Variants in ZFAT observed in about 807,000 individuals in gnomAD.
ZFAT encodes zinc finger and AT-hook domain containing.
In ZFAT, 64 loss-of-function variants were observed where a neutral mutation model predicts 117.7. The ratio of observed to expected loss-of-function variants is 0.54; its 90% CI spans 0.44 to 0.67. The LOEUF (loss-of-function observed/expected upper bound fraction) is 0.67, where lower values mean the gene tolerates loss of function less well. Ranked by LOEUF, ZFAT falls within the 30% of genes least tolerant of loss-of-function variation. The pLI, the probability that ZFAT is intolerant of heterozygous loss-of-function variation, is 0.00. For synonymous variants in ZFAT, 679 were observed against 615.0 expected (o/e 1.10, Z -1.54); for missense variants, 1,433 against 1,584.5 (o/e 0.90, Z 1.62).
intron 11 of ZFAT, among the ~76,000 whole-genome samples, chr8:134,564,488 C>A (rs1225673459): frequency 6.6e-6 from 1 of 152,218 alleles, no homozygotes; most frequent in African/African-American, 2.4e-5. Flanking sequence ...GGTAGGAACT[C>A]CACTGCCACC....
At chr8:134,702,454 T>C (rs1834036353) in intron 1 of ZFAT, among the ~76,000 whole-genome samples, 1 of 152,182 alleles carries the variant, frequency 6.6e-6, no homozygotes, top group Admixed American at 6.5e-5. Flanking sequence ...CAATGGGAGA[T>C]AAATTGAATC....
At chr8:134,732,498 T>C in the ZFAT span, among the ~76,000 whole-genome samples, 1 of 152,190 alleles carries the variant, frequency 6.6e-6, no homozygotes, top group Non-Finnish European at 1.5e-5. Context: ...CCGACTCTAC[T>C]TCTGAGATTC....
At chr8:134,529,832 T>A (rs1214409772) in intron 12 of ZFAT, among the ~76,000 whole-genome samples, 2 of 152,232 alleles carry the variant, frequency 1.3e-5, no homozygotes, top group Non-Finnish European at 2.9e-5. Flanking sequence ...TCCCTCCTAC[T>A]TGGGAAGAGC....
intron 11 of ZFAT, among the ~76,000 whole-genome samples, chr8:134,560,812 T>C (rs1328673386): frequency 6.6e-6 from 1 of 152,066 alleles, no homozygotes; most frequent in Non-Finnish European, 1.5e-5. Flanking sequence ...AGCAAAGAGT[T>C]GAATAGCTAG....
intron 11 of ZFAT, among the ~76,000 whole-genome samples, chr8:134,557,708 T>C (rs558048482): frequency 1.8e-4 from 27 of 152,292 alleles, no homozygotes; most frequent in Non-Finnish European, 2.9e-4. Context: ...AAATAACTTA[T>C]ACAACACATA....
chr8:134,831,786 C>T, the ZFAT span, among the ~76,000 whole-genome samples: 284 of 152,124 alleles, frequency 1.9e-3, 1 homozygote, highest in African/African-American at 6.5e-3. Context: ...CGGCCCCGAG[C>T]CCCCCACGAC....
At chr8:134,715,560 A>C (rs926658363), upstream of ZFAT, among the ~76,000 whole-genome samples, 2 of 152,226 alleles carry the variant, frequency 1.3e-5, no homozygotes, top group South Asian at 4.1e-4. Flanking sequence ...AAACATCTCT[A>C]TTCTTTCTAT....
chr8:134,541,749 T>C (rs578154878), intron 11 of ZFAT, among the ~76,000 whole-genome samples: 1 of 152,196 alleles, frequency 6.6e-6, no homozygotes, highest in South Asian at 2.1e-4. Flanking sequence ...ATAAGAAAAA[T>C]AGGCAAAATA....
At chr8:134,699,259 T>C (rs762782750) in intron 1 of ZFAT, among the ~76,000 whole-genome samples, 5 of 152,188 alleles carry the variant, frequency 3.3e-5, no homozygotes, top group Non-Finnish European at 7.3e-5. Context: ...TATGAAATGC[T>C]TCTATCAATC....
chr8:134,812,770 C>A, the ZFAT span, among the ~76,000 whole-genome samples: 1 of 152,164 alleles, frequency 6.6e-6, no homozygotes, highest in Non-Finnish European at 1.5e-5. Context: ...TATAGATATG[C>A]AGCAACAAAC....
At chr8:134,507,972 T>C (rs1404816771) in intron 15 of ZFAT, among the ~76,000 whole-genome samples, 11 of 152,150 alleles carry the variant, frequency 7.2e-5, no homozygotes, top group Admixed American at 7.2e-4. Flanking sequence ...TGCAATCTAG[T>C]AAACACCAAG....
At chr8:134,704,093 C>G (rs762137676) in intron 1 of ZFAT, among the ~76,000 whole-genome samples, 18 of 152,206 alleles carry the variant, frequency 1.2e-4, no homozygotes, top group Non-Finnish European at 2.1e-4. Context: ...TGTTAGACAG[C>G]AGGACCAGGA....
the ZFAT span, among the ~76,000 whole-genome samples, chr8:134,782,713 T>G: frequency 6.6e-6 from 1 of 152,104 alleles, no homozygotes; most frequent in Non-Finnish European, 1.5e-5. Context: ...CCATGCAAGA[T>G]GTGCCTTTTG....
chr8:134,756,345 T>C, the ZFAT span, among the ~76,000 whole-genome samples: 1 of 152,202 alleles, frequency 6.6e-6, no homozygotes, highest in Non-Finnish European at 1.5e-5. Context: ...AAGGTGTTCT[T>C]GTGATCGTGA....
the ZFAT span, among the ~76,000 whole-genome samples, chr8:134,777,558 A>G: frequency 1.3e-5 from 2 of 152,196 alleles, no homozygotes; most frequent in South Asian, 4.1e-4. Flanking sequence ...AGGTTTCCTG[A>G]GATACCTCAT....
the ZFAT span, among the ~76,000 whole-genome samples, chr8:134,777,002 T>G: frequency 7.9e-5 from 12 of 152,184 alleles, no homozygotes; most frequent in Non-Finnish European, 2.9e-5. Context: ...CCCCACATAT[T>G]CTCATTTAAG....
At chr8:134,775,198 T>C in the ZFAT span, among the ~76,000 whole-genome samples, 1 of 152,278 alleles carries the variant, frequency 6.6e-6, no homozygotes, top group East Asian at 1.9e-4. Flanking sequence ...ATAATACCAA[T>C]ATATGAAGTC....
Position 134,657,556 on chromosome 8 carries a change from C to T in ZFAT, c.196+5G>A. Reference sequence around the variant, plus strand: ...GTATCCTGCCCCACCCCCCAGCCCCCTTACCATCTCCGGTTTTGCTTGAGT... The same window carrying T: ...GTATCCTGCCCCACCCCCCAGCCCCTTTACCATCTCCGGTTTTGCTTGAGT... On this transcript the variant is annotated splice_donor_5th_base_variant and intron_variant, in intron 2 of 15. Transcript: ENST00000377838. 1 of 1,608,220 alleles carries T rather than the reference C, an allele frequency of 6.2e-7. No individual in the cohort carries two copies. Among genetic ancestry groups the T allele is most frequent in the Non-Finnish European group, 8.5e-7 (1 of 1,175,732 alleles).
chr8:134,822,919 A>T, the ZFAT span, among the ~76,000 whole-genome samples: 1 of 152,134 alleles, frequency 6.6e-6, no homozygotes, highest in Non-Finnish European at 1.5e-5. Context: ...TCAGATTTTT[A>T]AAAAATCTAT....
Sources: allele counts gnomAD v4.1 joint callset (sites outside exome capture counted in the v4.1 genomes callset), GRCh38; gene constraint gnomAD v4.1.1; transcripts MANE v1.5; gene names NCBI Gene and HGNC (gene_info 2026-07-23, HGNC 2026-07-21).